The following SLC2A14 variants were observed in gnomAD, a reference collection of about 807,000 sequenced individuals.
SLC2A14 encodes the protein solute carrier family 2 member 14, also known as solute carrier family 2, facilitated glucose transporter member 14.
In SLC2A14, 13 loss-of-function variants were observed where a neutral mutation model predicts 43.0. The ratio of observed to expected loss-of-function variants is 0.30; its 90% CI spans 0.20 to 0.48. The LOEUF (loss-of-function observed/expected upper bound fraction) is 0.48. SLC2A14 is among the 20% of genes least tolerant of loss of function. SLC2A14 has a pLI of 0.99. For missense variants in SLC2A14, 428 were observed against 620.4 expected (o/e 0.69, Z 3.29); for synonymous variants, 190 against 233.8 (o/e 0.81, Z 1.71).
intron 1 of SLC2A14, among the ~76,000 whole-genome samples, chr12:7,889,597 G>A (rs1366845474): frequency 1.3e-5 from 2 of 149,470 alleles, no homozygotes; most frequent in Non-Finnish European, 3.0e-5. Context: ...GTGCAGGGGT[G>A]CAATCTCGGC....
In SLC2A14 at chr12:7,828,740, G is replaced by C; in HGVS notation, c.640C>G (p.Leu214Val). 6.2e-7 allele frequency: 1 copy of C among 1,614,030 alleles called. No homozygotes were observed. Among genetic ancestry groups the C allele is most frequent in the South Asian group, 1.1e-5 (1 of 91,074 alleles). ...PCCPESPRFL[L>V]INRKKEENAT... ...TTCTCCTCTTTTTTTCTGTTAATGAGCAAAAATCTGGGACTTTCAGGGCAA... is the reference window on the plus strand; with the variant it reads ...TTCTCCTCTTTTTTTCTGTTAATGACCAAAAATCTGGGACTTTCAGGGCAA... The change falls in exon 6 of 11, where the codon CTC becomes GTC. Residue 214 changes from leucine (L) to valine (V), a missense_variant. By Grantham distance (32) the Leu-to-Val change is conservative. Transcript: ENST00000431042.
intron 6 of SLC2A14, among the ~76,000 whole-genome samples, 158 bp from the exon 7 acceptor site, chr12:7,827,840 T>G (rs1265860319): frequency 1.3e-5 from 2 of 152,124 alleles, no homozygotes; most frequent in Non-Finnish European, 2.9e-5. Context: ...GGCTGAAAAT[T>G]TTACTCAAGA....
Position 7,883,091 on chromosome 12 carries a change from C to G in SLC2A14, c.132+7905G>C, listed in dbSNP as rs1310729834. Among the ~76,000 whole-genome samples, 3 of 150,978 alleles carry G rather than the reference C, an allele frequency of 2.0e-5. No homozygotes were observed. In the East Asian group the frequency reaches 6.0e-4, roughly 30 times the overall value. On this transcript the variant is annotated intron_variant, in intron 1 of 9. Transcript: ENST00000539924. ...GGACATGGTGGTGGGCACCTGTAAT[C>G]TCAGCTACTCCGTAGGCTGAGTTGG...
At chr12:7,851,116 G>A (rs1047130561) in intron 2 of SLC2A14, among the ~76,000 whole-genome samples, 4 of 152,118 alleles carry the variant, frequency 2.6e-5, no homozygotes, top group African/African-American at 9.7e-5. Flanking sequence ...GACAAGGTTG[G>A]AAGTTAGAAA....
chr12:7,840,391 T>C (rs1015204017), intron 2 of SLC2A14, among the ~76,000 whole-genome samples: 3 of 152,014 alleles, frequency 2.0e-5, no homozygotes, highest in African/African-American at 7.2e-5. Context: ...TTGTTTTTGT[T>C]TTTTTGAGAC....
intron 2 of SLC2A14, among the ~76,000 whole-genome samples, chr12:7,858,754 C>A (rs925639283): frequency 6.6e-6 from 1 of 152,126 alleles, no homozygotes; most frequent in Non-Finnish European, 1.5e-5. Context: ...CTGCCTCAGC[C>A]TCCCAAAGTG....
At chr12:7,865,312 C>T (rs1172300737) in intron 2 of SLC2A14, among the ~76,000 whole-genome samples, 6 of 151,962 alleles carry the variant, frequency 3.9e-5, no homozygotes, top group African/African-American at 7.2e-5. Flanking sequence ...CCAAGGTGGG[C>T]GGATCACGAG....
intron 7 of SLC2A14, among the ~76,000 whole-genome samples, chr12:7,821,792 G>A (rs1863929499): frequency 6.7e-6 from 1 of 150,344 alleles, no homozygotes; most frequent in African/African-American, 2.5e-5. Flanking sequence ...ACAGGCTCCT[G>A]CCACCGCGCC....
intron 4 of SLC2A14, among the ~76,000 whole-genome samples, chr12:7,830,824 T>C (rs1864956773): frequency 1.3e-5 from 2 of 152,126 alleles, no homozygotes; most frequent in Non-Finnish European, 2.9e-5. Context: ...TAGTATAAAA[T>C]AAGAAGATTC....
chr12:7,865,264 A>G (rs777797494), intron 2 of SLC2A14, among the ~76,000 whole-genome samples: 11 of 152,164 alleles, frequency 7.2e-5, no homozygotes, highest in Admixed American at 2.6e-4. Flanking sequence ...CAGGCTGGGC[A>G]CGGTGGCTCC....
chr12:7,890,830 C>T (rs1945763516), intron 1 of SLC2A14: 1 of 616,390 alleles, frequency 1.6e-6, no homozygotes, highest in East Asian at 3.4e-5. Flanking sequence ...CTTTGGACAG[C>T]TGCGGGCAAG....
At chr12:7,838,263 T>A (rs950658017) in intron 2 of SLC2A14, among the ~76,000 whole-genome samples, 12 of 151,812 alleles carry the variant, frequency 7.9e-5, no homozygotes, top group Non-Finnish European at 1.8e-4. Context: ...AATTTCTGCA[T>A]TTTTAGTAGA....
intron 2 of SLC2A14, among the ~76,000 whole-genome samples, chr12:7,836,165 T>C (rs1865433780): frequency 6.6e-6 from 1 of 152,202 alleles, no homozygotes; most frequent in Admixed American, 6.5e-5. Flanking sequence ...TCAATGATTA[T>C]TGAATAAAGC....
intron 1 of SLC2A14, among the ~76,000 whole-genome samples, chr12:7,888,577 A>C (rs1248135880): frequency 6.6e-6 from 1 of 152,044 alleles, no homozygotes; most frequent in Non-Finnish European, 1.5e-5. Flanking sequence ...AGGTTGGCAG[A>C]TCACAAGGTC....
intron 1 of SLC2A14, among the ~76,000 whole-genome samples, chr12:7,888,702 G>A (rs1390646776): frequency 1.3e-5 from 2 of 150,846 alleles, no homozygotes; most frequent in Non-Finnish European, 2.9e-5. Context: ...GGAGGCTGAG[G>A]CAGGAGAATC....
At chr12:7,883,415 C>A (rs575328509) in intron 1 of SLC2A14, among the ~76,000 whole-genome samples, 3 of 150,002 alleles carry the variant, frequency 2.0e-5, no homozygotes, top group African/African-American at 7.3e-5. Context: ...TACAGGCGCC[C>A]GCCACCATGC....
At chr12:7,835,794 T>C (rs759364805) in intron 2 of SLC2A14, among the ~76,000 whole-genome samples, 1 of 152,374 alleles carries the variant, frequency 6.6e-6, no homozygotes, top group South Asian at 2.1e-4. Flanking sequence ...CTTGCATCTG[T>C]AATAGTCCTC....
At chr12:7,865,642 CCTT>C (rs1325877119) in intron 2 of SLC2A14, among the ~76,000 whole-genome samples, 1 of 152,112 alleles carries the variant, frequency 6.6e-6, no homozygotes, top group Non-Finnish European at 1.5e-5. Flanking sequence ...ATTTCTCTCT[CCTT>C]CTCTCTCTTC....
intron 10 of SLC2A14, among the ~76,000 whole-genome samples, chr12:7,815,959 G>C (rs966635199): frequency 1.3e-5 from 2 of 151,206 alleles, no homozygotes; most frequent in African/African-American, 4.9e-5. Flanking sequence ...TGAGTGCAAT[G>C]GTGCAAGCTT....
Sources: allele counts gnomAD v4.1 joint callset (sites outside exome capture counted in the v4.1 genomes callset), GRCh38; gene constraint gnomAD v4.1.1; transcripts MANE v1.5; gene names NCBI Gene and HGNC (gene_info 2026-07-23, HGNC 2026-07-21).